TMEM178B: variants seen among roughly 807,000 people sequenced by gnomAD.
The protein encoded by TMEM178B is transmembrane protein 178B.
A neutral mutation model predicts 31.0 loss-of-function variants in TMEM178B; 5 were observed. The observed-to-expected ratio is 0.16, with a 90% confidence interval of 0.08 to 0.34. The LOEUF (loss-of-function observed/expected upper bound fraction) is 0.34. Ranked by LOEUF, TMEM178B falls within the 10% of genes least tolerant of loss-of-function variation. TMEM178B has a pLI of 1.00. For missense variants in TMEM178B, 275 were observed against 400.3 expected (o/e 0.69, Z 2.67); for synonymous variants, 164 against 164.0 (o/e 1.00, Z 0.00).
intron 2 of TMEM178B, among the ~76,000 whole-genome samples, chr7:141,232,233 T>A (rs1797459941): frequency 6.6e-6 from 1 of 152,238 alleles, no homozygotes; most frequent in African/African-American, 2.4e-5. Flanking sequence ...GAGTTGACTC[T>A]ATGTCTTTGC....
intron 1 of TMEM178B, among the ~76,000 whole-genome samples, chr7:141,150,407 G>A (rs1319291404): frequency 6.6e-6 from 1 of 152,188 alleles, no homozygotes; most frequent in Non-Finnish European, 1.5e-5. Flanking sequence ...GTTGAAAACT[G>A]GACCAAAATA....
downstream of TMEM178B, among the ~76,000 whole-genome samples, chr7:141,480,691 T>C (rs760628651): frequency 1.5e-4 from 23 of 152,252 alleles, no homozygotes; most frequent in Non-Finnish European, 2.5e-4. Flanking sequence ...TAAAAGACTT[T>C]ATGAGATGCT....
chr7:141,420,431 T>C (rs1038918932), intron 2 of TMEM178B, among the ~76,000 whole-genome samples: 8 of 152,182 alleles, frequency 5.3e-5, no homozygotes, highest in African/African-American at 1.9e-4. Flanking sequence ...TGACTTTAGT[T>C]TCCTTCTACG....
chr7:141,388,987 G>A (rs976379050), intron 2 of TMEM178B, among the ~76,000 whole-genome samples: 1 of 152,194 alleles, frequency 6.6e-6, no homozygotes, highest in Non-Finnish European at 1.5e-5. Flanking sequence ...CCTGGCAGCA[G>A]TAAGGTTTCA....
At chr7:141,433,081 G>T (rs751508199) in intron 2 of TMEM178B, among the ~76,000 whole-genome samples, 3 of 152,162 alleles carry the variant, frequency 2.0e-5, no homozygotes, top group Non-Finnish European at 4.4e-5. Context: ...GTGCTGTAGT[G>T]AACTTCAGTA....
At chr7:141,463,943 A>G (rs749565594) in intron 3 of TMEM178B, among the ~76,000 whole-genome samples, 3 of 152,216 alleles carry the variant, frequency 2.0e-5, no homozygotes, top group Non-Finnish European at 4.4e-5. Context: ...TAAGCAGCAG[A>G]GAATCATAAT....
At chr7:141,168,307 A>G (rs983216811) in intron 1 of TMEM178B, among the ~76,000 whole-genome samples, 10 of 152,134 alleles carry the variant, frequency 6.6e-5, no homozygotes, top group Non-Finnish European at 7.4e-5. Context: ...ACTTCATGGC[A>G]TCTCCTTCCA....
At chr7:141,220,724 G>A (rs1338806753) in intron 2 of TMEM178B, among the ~76,000 whole-genome samples, 1 of 152,198 alleles carries the variant, frequency 6.6e-6, no homozygotes, top group African/African-American at 2.4e-5. Context: ...CATTCTCTCA[G>A]CTTCTGCAGA....
At chr7:141,340,347 G>A (rs943546599) in intron 2 of TMEM178B, among the ~76,000 whole-genome samples, 8 of 152,138 alleles carry the variant, frequency 5.3e-5, no homozygotes, top group Admixed American at 1.3e-4. Flanking sequence ...GCGATTACTT[G>A]TTACAGCAGC....
At chr7:141,178,944 T>C (rs1460149501) in intron 1 of TMEM178B, among the ~76,000 whole-genome samples, 1 of 152,182 alleles carries the variant, frequency 6.6e-6, no homozygotes, top group African/African-American at 2.4e-5. Context: ...AATGTGCACT[T>C]TCTGTGAATG....
At chr7:141,245,809 T>A (rs1274425219) in intron 2 of TMEM178B, among the ~76,000 whole-genome samples, 1 of 152,202 alleles carries the variant, frequency 6.6e-6, no homozygotes. Flanking sequence ...ATCCATATTC[T>A]TTTCGTTGTG....
the TMEM178B span, among the ~76,000 whole-genome samples, chr7:141,508,323 C>T: frequency 6.6e-6 from 1 of 152,320 alleles, no homozygotes; most frequent in African/African-American, 2.4e-5. Context: ...CTGAGACCAC[C>T]TCAGCCTGGA....
intron 2 of TMEM178B, among the ~76,000 whole-genome samples, chr7:141,268,043 G>C (rs1798122038): frequency 1.3e-5 from 2 of 152,196 alleles, no homozygotes; most frequent in South Asian, 4.1e-4. Context: ...ATTACATTGA[G>C]CCCATGCAAG....
At chr7:141,161,136 C>T (rs9986787) in intron 1 of TMEM178B, among the ~76,000 whole-genome samples, 110,319 of 152,110 alleles carry the variant, frequency 0.73, 40,593 homozygotes, top group African/African-American at 0.83. Flanking sequence ...ATTACAGGCA[C>T]GAACCACTGC....
Position 141,074,507 on chromosome 7 carries a change from G to A in TMEM178B, c.197G>A (p.Arg66Gln), listed in dbSNP as rs1490017607. 5.9e-6 allele frequency: 9 copies of A among 1,535,922 alleles called. No homozygotes were observed. The highest frequency in any genetic ancestry group is 7.8e-6 in the Non-Finnish European group (9 of 1,146,838). ...AACAATAACAACAACTTGCCGCTCC[G>A]GGCGAGCCGCTCGCGCCTGGACCGC... ...IYNNNNNLPLRASRSRLDRWE... is the reference protein window; with the variant it reads ...IYNNNNNLPLQASRSRLDRWE... Residue 66 changes from arginine to glutamine, a missense_variant, in exon 1 of 4, where the codon CGG becomes CAG. By Grantham distance (43) the Arg-to-Gln change is conservative. Coordinates refer to ENST00000565468, the MANE Select transcript of TMEM178B (RefSeq NM_001195278.2). The surrounding 1 kb of genome is among the most constrained non-coding windows in gnomAD (Gnocchi z 5.1).
chr7:141,176,309 G>C (rs13312384), intron 1 of TMEM178B, among the ~76,000 whole-genome samples: 2 of 152,140 alleles, frequency 1.3e-5, no homozygotes, highest in Non-Finnish European at 2.9e-5. Flanking sequence ...GGATGAAGCT[G>C]ACTTGATCAT....
chr7:141,408,445 C>T (rs1471894111), intron 2 of TMEM178B, among the ~76,000 whole-genome samples: 1 of 152,328 alleles, frequency 6.6e-6, no homozygotes, highest in East Asian at 1.9e-4. Flanking sequence ...TATTTCATTT[C>T]AGCAGGTCTG....
At chr7:141,339,071 G>T (rs1448998157) in intron 2 of TMEM178B, among the ~76,000 whole-genome samples, 1 of 152,188 alleles carries the variant, frequency 6.6e-6, no homozygotes, top group African/African-American at 2.4e-5. Context: ...AGGTTGTGGG[G>T]CCTTCACATG....
intron 1 of TMEM178B, among the ~76,000 whole-genome samples, chr7:141,181,448 G>A (rs1430748440): frequency 6.6e-6 from 1 of 152,142 alleles, no homozygotes; most frequent in Non-Finnish European, 1.5e-5. Context: ...GTGTAGACCA[G>A]TCGATTCTGA....
Sources: allele counts gnomAD v4.1 joint callset (sites outside exome capture counted in the v4.1 genomes callset), GRCh38; gene constraint gnomAD v4.1.1; non-coding constraint Gnocchi (gnomAD v3.1); transcripts MANE v1.5; gene names NCBI Gene and HGNC (gene_info 2026-07-23, HGNC 2026-07-21).